SSH1: variants seen among roughly 807,000 people sequenced by gnomAD.
The protein encoded by SSH1 is slingshot protein phosphatase 1, also known as protein phosphatase Slingshot homolog 1.
Under a neutral mutation model 79.7 loss-of-function variants are expected in SSH1, and 43 were observed. The observed-to-expected ratio is 0.54, with a 90% CI of 0.42 to 0.70. The LOEUF is 0.70. Among genes scored for constraint, SSH1 ranks in the 30% least tolerant of loss-of-function variants. SSH1 has a pLI of 0.00. For missense variants in SSH1, 1,206 were observed against 1,358.8 expected (o/e 0.89, Z 1.77); for synonymous variants, 599 against 538.3 (o/e 1.11, Z -1.56).
intron 14 of SSH1, among the ~76,000 whole-genome samples, chr12:108,790,338 T>A (rs2036450654): frequency 6.6e-6 from 1 of 152,098 alleles, no homozygotes. Flanking sequence ...TTAGTAGAGA[T>A]GTGGTTTCAC....
chr12:108,802,188 C>T (rs2037043236), intron 11 of SSH1, 134 bp downstream of exon 11: 1 of 744,402 alleles, frequency 1.3e-6, no homozygotes, highest in Non-Finnish European at 2.4e-6. Flanking sequence ...GCACATCAAC[C>T]CCTGGCAGCC....
At chr12:108,851,024 GC>G (rs1218711871) in intron 2 of SSH1, among the ~76,000 whole-genome samples, 1 of 151,934 alleles carries the variant, frequency 6.6e-6, no homozygotes, top group African/African-American at 2.4e-5. Flanking sequence ...GCCCATGACT[GC>G]CCCCATTGGG....
intron 1 of SSH1, among the ~76,000 whole-genome samples, chr12:108,853,516 C>A (rs1218183111): frequency 6.6e-6 from 1 of 151,884 alleles, no homozygotes; most frequent in African/African-American, 2.4e-5. Context: ...CAGGGCTGAT[C>A]GAGGACAGAA....
At chr12:108,817,301 T>C in intron 4 of SSH1, 142 bp from the exon 5 acceptor site, 1 of 1,302,446 alleles carries the variant, frequency 7.7e-7, no homozygotes, top group Non-Finnish European at 1.1e-6. Flanking sequence ...TGGCTGGGCA[T>C]GGTGGTTCAG....
In SSH1 at chr12:108,786,283, A is replaced by G. The variant is rs895073585; in HGVS notation, c.*1705T>C. On this transcript the variant is annotated 3_prime_UTR_variant, in exon 15 of 15. Transcript: ENST00000326495. ...TGGAATTGTGGAAGAGCTTCAGCCA[A>G]CTGTGTTCACCTGCCTTCCCCCATG... 3.3e-5 allele frequency: 5 copies of G among 152,370 alleles called. No individual in the cohort carries two copies. The highest frequency in any genetic ancestry group is 1.2e-4 in the African/African-American group (5 of 41,590). 9.4% of individuals were successfully genotyped at this position (152,370 alleles called of 1,614,324 possible).
chr12:108,852,579 G>C, intron 2 of SSH1, 59 bp downstream of exon 2: 2 of 1,599,634 alleles, frequency 1.3e-6, no homozygotes, highest in Non-Finnish European at 8.6e-7. Context: ...AGAGGAACAA[G>C]AGCATTCCTT....
At chr12:108,837,711 G>A (rs888221383) in intron 2 of SSH1, among the ~76,000 whole-genome samples, 1 of 151,922 alleles carries the variant, frequency 6.6e-6, no homozygotes, top group Non-Finnish European at 1.5e-5. Context: ...GAGTATCTGG[G>A]GTATCCATGA....
chr12:108,788,324 G>A lies in SSH1; in HGVS notation c.2814C>T (p.Ser938=), dbSNP rs761080064. The A allele has an allele frequency of 9.3e-6, 15 of 1,613,302 alleles. No individual in the cohort carries two copies. In the East Asian group the frequency reaches 1.8e-4, roughly 19 times the overall value. ...MSSNLTRSSS[S]DSIHSVRGKP... ...TCCCACGGACACTGTGGATGCTATC[G>A]CTGCTGGAGCTCCGGGTCAGGTTGG... The change falls in exon 15 of 15, where the codon AGC becomes AGT. Residue 938 remains serine (S), a synonymous_variant. Coordinates refer to ENST00000326495, the MANE Select transcript of SSH1 (RefSeq NM_018984.4).
chr12:108,823,618 C>A (rs1264214595), intron 2 of SSH1, among the ~76,000 whole-genome samples: 1 of 152,092 alleles, frequency 6.6e-6, no homozygotes, highest in Non-Finnish European at 1.5e-5. Context: ...CTCTCCAGGG[C>A]CCCTTTCTGC....
At chr12:108,815,571 G>A (rs1190668338) in intron 5 of SSH1, among the ~76,000 whole-genome samples, 1 of 152,236 alleles carries the variant, frequency 6.6e-6, no homozygotes. Context: ...ACACCGCTAT[G>A]CCTCAGAACC....
At chr12:108,810,272 AG>A (rs2037512648) in intron 6 of SSH1, among the ~76,000 whole-genome samples, 1 of 152,086 alleles carries the variant, frequency 6.6e-6, no homozygotes, top group Admixed American at 6.5e-5. Flanking sequence ...CTGTAATCCC[AG>A]CACTTTGGGA....
rs918879936 is a variant in SSH1 at position 108,783,448 on chromosome 12, A to G, written c.*4540T>C. The G allele has an allele frequency of 2.0e-5, 3 of 152,258 alleles. No individual in the cohort carries two copies. Among genetic ancestry groups the G allele is most frequent in the Non-Finnish European group, 4.4e-5 (3 of 68,052 alleles). 9.4% of individuals were successfully genotyped at this position (152,258 alleles called of 1,614,324 possible). On this transcript the variant is annotated 3_prime_UTR_variant, in exon 15 of 15. Coordinates refer to ENST00000326495, the MANE Select transcript of SSH1 (RefSeq NM_018984.4). ...TATTAAGGCACTCAATTGTAAAACA[A>G]TAATTACAGTGTAGGAAAAGAGGGA...
intron 2 of SSH1, among the ~76,000 whole-genome samples, chr12:108,833,466 G>C (rs2137231761): frequency 6.6e-6 from 1 of 152,320 alleles, no homozygotes; most frequent in South Asian, 2.1e-4. Flanking sequence ...TATCCCGACT[G>C]TCCCAGGTTC....
rs568875185 is a variant in SSH1, at chr12:108,783,472, G to C, written c.*4516C>G. ...AATAATTACAGTGTAGGAAAAGAGG[G>C]AGGAAGCAGCTATCTTCTCATGCAG... On this transcript the variant is annotated 3_prime_UTR_variant, in exon 15 of 15. Coordinates refer to ENST00000326495, the MANE Select transcript of SSH1 (RefSeq NM_018984.4). 8 of 152,344 alleles carry C rather than the reference G, an allele frequency of 5.3e-5. No individual in the cohort carries two copies. Among genetic ancestry groups the C allele is most frequent in the African/African-American group, 1.9e-4 (8 of 41,584 alleles). The allele number at this position is 152,344 out of a possible 1,614,324, so 9.4% of individuals were successfully genotyped here.
At chr12:108,846,580 A>G (rs1215143589) in intron 2 of SSH1, among the ~76,000 whole-genome samples, 1 of 152,244 alleles carries the variant, frequency 6.6e-6, no homozygotes, top group Non-Finnish European at 1.5e-5. Context: ...TGCTGCAATC[A>G]TCTGCATGCT....
At position 108,807,752 on chromosome 12, in the gene SSH1, G is replaced by A. The variant is rs781623212; in HGVS notation, c.612C>T (p.Leu204=). ...AGCTCTCATAGTAGGTAGCCCAGAT[G>A]AGAGCTACACCCCCGGGGAAGTAGT... ...RHNYFPGGVA[L]IWATYYESCI... Residue 204 remains leucine, a synonymous_variant, in exon 8 of 15, where the codon CTC becomes CTT. Transcript: ENST00000326495. This position sits in a 1 kb window ranked among gnomAD's most constrained non-coding sequence, Gnocchi z 5.2. The A allele has an allele frequency of 3.1e-6, 5 of 1,613,646 alleles. No homozygotes were observed. The highest frequency in any genetic ancestry group is 4.2e-6 in the Non-Finnish European group (5 of 1,179,770).
chr12:108,856,043 C>G (rs1262319161), intron 1 of SSH1, among the ~76,000 whole-genome samples: 2 of 152,212 alleles, frequency 1.3e-5, no homozygotes, highest in Non-Finnish European at 2.9e-5. Context: ...CAGTCAACTT[C>G]CCCCACTCCC....
At chr12:108,850,736 G>A (rs1194574516) in intron 2 of SSH1, among the ~76,000 whole-genome samples, 3 of 121,158 alleles carry the variant, frequency 2.5e-5, no homozygotes, top group Admixed American at 8.4e-5. Context: ...TGGGGGAGGG[G>A]AGTGGGGAAG....
chr12:108,847,727 G>A (rs1182502725), intron 2 of SSH1, among the ~76,000 whole-genome samples: 1 of 152,152 alleles, frequency 6.6e-6, no homozygotes, highest in East Asian at 1.9e-4. Context: ...CAAAGTGCTG[G>A]GATTAGAGAT....
Sources: allele counts gnomAD v4.1 joint callset (sites outside exome capture counted in the v4.1 genomes callset), GRCh38; gene constraint gnomAD v4.1.1; non-coding constraint Gnocchi (gnomAD v3.1); transcripts MANE v1.5; gene names NCBI Gene and HGNC (gene_info 2026-07-23, HGNC 2026-07-21).